CPNE3: variants seen among roughly 807,000 people sequenced by gnomAD.
CPNE3 encodes the protein copine 3.
In CPNE3, 68 loss-of-function variants were observed where a neutral mutation model predicts 63.9. The ratio of observed to expected loss-of-function variants is 1.06; its 90% CI spans 0.87 to 1.30. The LOEUF is 1.30. Among genes scored for constraint, CPNE3 ranks in the 50% most tolerant of loss-of-function variants. The pLI, the probability that CPNE3 is intolerant of heterozygous loss-of-function variation, is 0.00. For synonymous variants in CPNE3, 219 were observed against 197.5 expected, an observed-to-expected ratio of 1.11 and a Z score of -0.91; for missense variants, 665 against 578.1, an observed-to-expected ratio of 1.15 and a Z score of -1.54.
intron 2 of CPNE3, among the ~76,000 whole-genome samples, chr8:86,523,265 G>A (rs1162969415): frequency 1.3e-5 from 2 of 152,140 alleles, no homozygotes; most frequent in African/African-American, 4.8e-5. Flanking sequence ...TTATAAATTA[G>A]GAAATTGAAG....
intron 12 of CPNE3, among the ~76,000 whole-genome samples, chr8:86,550,275 G>T (rs377660147): frequency 3.9e-5 from 6 of 152,180 alleles, no homozygotes; most frequent in African/African-American, 1.4e-4. Context: ...TTGAGAAAGG[G>T]TCTCGCTCTG....
Position 86,560,993 on chromosome 8 carries a change from G to C in CPNE3, c.*2583G>C, listed in dbSNP as rs987170647. The C allele has an allele frequency of 5.9e-5, 9 of 152,144 alleles. No individual in the cohort carries two copies. Among genetic ancestry groups the C allele is most frequent in the African/African-American group, 2.2e-4 (9 of 41,424 alleles). 9.4% of individuals were successfully genotyped at this position (152,144 alleles called of 1,614,324 possible). A position where few individuals can be genotyped will look rare whatever the true frequency, so the allele number is the denominator to read the frequency against. On this transcript the variant is annotated 3_prime_UTR_variant, in exon 17 of 17. Transcript: ENST00000517490. ...CTGGCACAGAGGAAATAATATACCA[G>C]CTAATCTAGTCACCTAACCTTGTGG...
chr8:86,529,517 ACCATCC>A (rs1462072430), intron 4 of CPNE3, among the ~76,000 whole-genome samples: 1 of 152,086 alleles, frequency 6.6e-6, no homozygotes, highest in East Asian at 1.9e-4. Context: ...ATGCCCCAAT[ACCATCC>A]CCTTTACCTG....
rs183013185 is a variant in CPNE3 at position 86,525,624 on chromosome 8, G to A, written c.-10-2912G>A. Among the ~76,000 whole-genome samples the A allele has an allele frequency of 1.8e-3, 277 of 152,202 alleles. 4 individuals are homozygous for A. The highest frequency in any genetic ancestry group is 6.2e-3 in the African/African-American group (258 of 41,536). ...TGTTGTTTTTGTAGCTTTTGTATAA[G>A]CATTTTTAGGGAAAAAAATAATGCT... is the stretch of plus-strand genomic sequence containing the variant. On this transcript the variant is annotated intron_variant, in intron 2 of 16. Coordinates refer to ENST00000517490, the MANE Select transcript of CPNE3 (RefSeq NM_003909.5).
In CPNE3 at chr8:86,551,226, A is replaced by G; in HGVS notation, c.1112A>G (p.Tyr371Cys). The G allele has an allele frequency of 1.9e-6, 3 of 1,592,306 alleles. No individual in the cohort carries two copies. The highest frequency in any genetic ancestry group is 2.6e-6 in the Non-Finnish European group (3 of 1,160,340). ...ATGAACTTCAACCCATCCAATCCCTACTGCAATGGTAAGTTAAAAAATAAA... is the reference window on the plus strand; with the variant it reads ...ATGAACTTCAACCCATCCAATCCCTGCTGCAATGGTAAGTTAAAAAATAAA... ...FPMNFNPSNPYCNGIQGIVEA... is the reference protein window; with the variant it reads ...FPMNFNPSNPCCNGIQGIVEA... Residue 371 changes from tyrosine to cysteine, a missense_variant, in exon 14 of 17, where the codon TAC becomes TGC. Tyr to Cys is a radical substitution (Grantham distance 194). Transcript: ENST00000517490.
In CPNE3 at chr8:86,520,270, C is replaced by T. The variant is rs191905731; in HGVS notation, c.-11+4771C>T. ...TTAGGTTTAACAGCTGAAGGCTGGG[C>T]GCAGTGGCTCACGCCTGTAATCTCA... On this transcript the variant is annotated intron_variant, in intron 2 of 16. Coordinates refer to ENST00000517490, the MANE Select transcript of CPNE3 (RefSeq NM_003909.5). 6.7e-3 allele frequency among the ~76,000 whole-genome samples: 1,018 copies of T among 152,126 alleles called. 8 individuals carry two copies. Among genetic ancestry groups the T allele is most frequent in the South Asian group, 0.012 (56 of 4,826 alleles).
intron 14 of CPNE3, among the ~76,000 whole-genome samples, chr8:86,552,972 C>A (rs28697962): frequency 2.6e-4 from 5 of 18,934 alleles, no homozygotes; most frequent in Non-Finnish European, 6.0e-4. Context: ...GCCCCCCCCC[C>A]CCCCCCGCCC....
chr8:86,515,483 A>G lies in CPNE3; in HGVS notation c.-27A>G, dbSNP rs1820276883. ...CCAGGAAACTCAGGTTGAATAATTC[A>G]TCAAATTACACAACTGGTAAGTGGT... On this transcript the variant is annotated 5_prime_UTR_variant, in exon 2 of 17. Coordinates refer to ENST00000517490, the MANE Select transcript of CPNE3 (RefSeq NM_003909.5). The G allele has an allele frequency of 6.6e-6, 1 of 152,206 alleles. No homozygotes were observed. The highest frequency in any genetic ancestry group is 2.1e-4 in the South Asian group (1 of 4,818). The allele number at this position is 152,206 out of a possible 1,614,324, so 9.4% of individuals were successfully genotyped here.
rs144471585 is a variant in CPNE3, at chr8:86,531,547, A to G, written c.387+318A>G. The stretch of plus-strand genomic sequence containing the variant: ...AGAGAGAAACTGCTTAATAATCTGT[A>G]TCAGTTTGGTTCTCTACTGGAGGAA... On this transcript the variant is annotated intron_variant, in intron 5 of 16. Transcript: ENST00000517490. Among the ~76,000 whole-genome samples the G allele has an allele frequency of 1.4e-3, 207 of 152,290 alleles. 2 individuals are homozygous for G. Among genetic ancestry groups the G allele is most frequent in the Middle Eastern group, 0.01 (3 of 294 alleles).
chr8:86,541,548 A>G (rs149443908), intron 8 of CPNE3, among the ~76,000 whole-genome samples: 30 of 152,140 alleles, frequency 2.0e-4, no homozygotes, highest in African/African-American at 5.8e-4. Flanking sequence ...TACAGAAAAT[A>G]CAAAAATGAG....
intron 14 of CPNE3, among the ~76,000 whole-genome samples, chr8:86,554,443 G>T (rs1055609979): frequency 6.6e-6 from 1 of 152,122 alleles, no homozygotes; most frequent in Non-Finnish European, 1.5e-5. Context: ...TAGAACCTCT[G>T]GCCATATATG....
chr8:86,561,355 T>G lies in CPNE3; in HGVS notation c.*2945T>G, dbSNP rs1480277544. The G allele has an allele frequency of 6.6e-6, 1 of 152,230 alleles. No homozygotes were observed. Among genetic ancestry groups the G allele is most frequent in the Non-Finnish European group, 1.5e-5 (1 of 68,042 alleles). 9.4% of individuals were successfully genotyped at this position (152,230 alleles called of 1,614,324 possible). On this transcript the variant is annotated 3_prime_UTR_variant, in exon 17 of 17. Transcript: ENST00000517490. ...ATGTGTAAGTTACTAATATATGAATTGATGCTAAATATATCTTACATTTGA... is the reference window on the plus strand; with the variant it reads ...ATGTGTAAGTTACTAATATATGAATGGATGCTAAATATATCTTACATTTGA...
At chr8:86,553,881 G>C (rs752707225) in intron 14 of CPNE3, 1 of 151,906 alleles carries the variant, frequency 6.6e-6, no homozygotes, top group Non-Finnish European at 1.5e-5. Context: ...ACAGGTGCTT[G>C]TGTGGGATAC....
Position 86,556,166 on chromosome 8 carries a change from C to A in CPNE3, c.1319C>A (p.Ala440Asp), listed in dbSNP as rs1361314229. 1.1e-6 allele frequency: 1 copy of A among 872,894 alleles called. No individual in the cohort carries two copies. The highest frequency in any genetic ancestry group is 2.0e-6 in the Non-Finnish European group (1 of 501,706). 54.1% of individuals were successfully genotyped at this position (872,894 alleles called of 1,614,324 possible). Residue 440 changes from alanine (A) to aspartate (D), a missense_variant, in exon 16 of 17, where the codon GCT (alanine) becomes GAT (aspartate). Ala to Asp is a moderately radical substitution (Grantham distance 126). Transcript: ENST00000517490. ...ACAGACCTTGATGAAACCAGACAAG[C>A]TATAGTTAATGCCTCCAGGCTGCCT... ...VITDLDETRQ[A>D]IVNASRLPMS...
At chr8:86,527,968 T>G (rs1425329930) in intron 2 of CPNE3, among the ~76,000 whole-genome samples, 1 of 145,694 alleles carries the variant, frequency 6.9e-6, no homozygotes, top group East Asian at 2.0e-4. Context: ...TTTTTTTTTT[T>G]TTTAGACAGA....
rs149660315 is a variant in CPNE3, at chr8:86,544,742, G to A, written c.636G>A (p.Val212=). The A allele has an allele frequency of 6.2e-4, 872 of 1,407,026 alleles. No homozygotes were observed. In the African/African-American group the frequency reaches 0.011, roughly 18 times the overall value. The allele number at this position is 1,407,026 out of a possible 1,614,324, so 87.2% of individuals were successfully genotyped here. A position where few individuals can be genotyped will look rare whatever the true frequency, so the allele number is the denominator to read the frequency against. ...ATTTTTATTATATTTAATTTCAGGT[G>A]GAGTGTTATGATTATGACAATGATG... ...CYGDMDKTIK[V]ECYDYDNDGS... Residue 212 remains valine, a splice_region_variant and synonymous_variant, in exon 9 of 17, where the codon GTG becomes GTA. Transcript: ENST00000517490.
At chr8:86,531,608 T>C (rs1411775342) in intron 5 of CPNE3, among the ~76,000 whole-genome samples, 1 of 152,160 alleles carries the variant, frequency 6.6e-6, no homozygotes, top group Non-Finnish European at 1.5e-5. Context: ...TTTTCCCTAG[T>C]GGATTTTATT....
rs183957950 is a variant in CPNE3, at chr8:86,541,465, A to C, written c.633+1131A>C. Among the ~76,000 whole-genome samples the C allele has an allele frequency of 2.9e-4, 44 of 152,240 alleles. 1 individual carries two copies. The highest frequency in any genetic ancestry group is 2.7e-3 in the Admixed American group (41 of 15,296). On this transcript the variant is annotated intron_variant, in intron 8 of 16. Transcript: ENST00000517490. ...AGGCCTATAATCCCAGCACTTTGGG[A>C]GGCCGAGGCGGGCAAATTGCCTGAG...
intron 12 of CPNE3, among the ~76,000 whole-genome samples, chr8:86,548,802 T>C (rs1339796687): frequency 1.3e-5 from 2 of 152,082 alleles, no homozygotes; most frequent in Non-Finnish European, 2.9e-5. Context: ...GTTTTATAAA[T>C]ACTGTTTATA....
Sources: gnomAD v4.1 joint callset for allele counts (sites outside exome capture counted in the v4.1 genomes callset) on GRCh38, gnomAD v4.1.1 for gene constraint, MANE v1.5 for transcripts, NCBI Gene and HGNC (gene_info 2026-07-23, HGNC 2026-07-21) for gene names.